Variants in KIT observed in about 807,000 individuals in gnomAD.
KIT encodes KIT proto-oncogene, receptor tyrosine kinase.
Under a neutral mutation model 105.7 loss-of-function variants are expected in KIT, and 16 were observed. That is an observed-to-expected ratio of 0.15 (90% confidence interval 0.10 to 0.23). The LOEUF (loss-of-function observed/expected upper bound fraction) is 0.23. KIT is among the 10% of genes least tolerant of loss of function. The pLI is 1.00. For missense variants in KIT, 858 were observed against 1,213.8 expected, an observed-to-expected ratio of 0.71 and a Z score of 4.36; for synonymous variants, 438 against 441.1, an observed-to-expected ratio of 0.99 and a Z score of 0.09.
At chr4:54,701,858 C>CT (rs1332621145) in intron 4 of KIT, among the ~76,000 whole-genome samples, 1 of 152,196 alleles carries the variant, frequency 6.6e-6, no homozygotes, top group African/African-American at 2.4e-5. Context: ...CTTACATCTT[C>CT]TTGACAATTG....
At chr4:54,673,858 C>T (rs1384569717) in intron 1 of KIT, among the ~76,000 whole-genome samples, 1 of 152,130 alleles carries the variant, frequency 6.6e-6, no homozygotes, top group Non-Finnish European at 1.5e-5. Context: ...CTTGCTCTGC[C>T]TCCCTAGTTC....
intron 7 of KIT, among the ~76,000 whole-genome samples, chr4:54,715,677 A>T (rs1162301558): frequency 6.6e-6 from 1 of 152,262 alleles, no homozygotes; most frequent in Non-Finnish European, 1.5e-5. Flanking sequence ...CATGACCCAG[A>T]CACCTCCCAT....
chr4:54,691,470 A>G (rs551271266), intron 1 of KIT, among the ~76,000 whole-genome samples: 4 of 152,226 alleles, frequency 2.6e-5, no homozygotes, highest in Admixed American at 6.5e-5. Flanking sequence ...ACAAGACAAG[A>G]TGTGTCCCAG....
intron 5 of KIT, among the ~76,000 whole-genome samples, chr4:54,705,836 C>T (rs777618756): frequency 9.2e-5 from 14 of 152,114 alleles, no homozygotes; most frequent in Admixed American, 2.0e-4. Flanking sequence ...GAGCTGTGAT[C>T]GTGCCACTGT....
chr4:54,687,509 A>G (rs1365570417), intron 1 of KIT, among the ~76,000 whole-genome samples: 1 of 152,116 alleles, frequency 6.6e-6, no homozygotes, highest in South Asian at 2.1e-4. Context: ...CTGTAGGGTG[A>G]TGCCACAAAT....
chr4:54,687,163 A>T (rs754660168), intron 1 of KIT, among the ~76,000 whole-genome samples: 19 of 152,330 alleles, frequency 1.2e-4, no homozygotes, highest in South Asian at 4.1e-4. Flanking sequence ...CACTGAGTGA[A>T]ATCAACCTTC....
At chr4:54,681,160 A>G (rs893641199) in intron 1 of KIT, among the ~76,000 whole-genome samples, 3 of 152,078 alleles carry the variant, frequency 2.0e-5, no homozygotes, top group African/African-American at 4.8e-5. Flanking sequence ...ACAGATGGTG[A>G]GGGCCTTGTT....
At chr4:54,701,025 A>T (rs1720422210) in intron 4 of KIT, among the ~76,000 whole-genome samples, 1 of 152,252 alleles carries the variant, frequency 6.6e-6, no homozygotes, top group South Asian at 2.1e-4. Flanking sequence ...ATGAGAGAAC[A>T]ATTTAGACCG....
At chr4:54,660,317 C>G (rs1577902660) in intron 1 of KIT, among the ~76,000 whole-genome samples, 1 of 152,138 alleles carries the variant, frequency 6.6e-6, no homozygotes, top group Admixed American at 6.5e-5. Flanking sequence ...GCTCCTGTGC[C>G]TAACAGGATG....
At chr4:54,721,828 G>T (rs908407503) in intron 7 of KIT, among the ~76,000 whole-genome samples, 1 of 152,068 alleles carries the variant, frequency 6.6e-6, no homozygotes, top group Non-Finnish European at 1.5e-5. Context: ...AATTCCCTGC[G>T]CATTGGGTTA....
intron 6 of KIT, among the ~76,000 whole-genome samples, chr4:54,708,488 C>T (rs1044272455): frequency 2.0e-5 from 3 of 152,178 alleles, no homozygotes; most frequent in South Asian, 4.1e-4. Context: ...CTATCAGTCA[C>T]TTACTGGCTG....
intron 1 of KIT, among the ~76,000 whole-genome samples, chr4:54,666,051 G>C (rs562477774): frequency 1.3e-5 from 2 of 152,208 alleles, no homozygotes; most frequent in South Asian, 4.2e-4. Flanking sequence ...GGCCATACTG[G>C]GTATAGAGGA....
intron 1 of KIT, among the ~76,000 whole-genome samples, chr4:54,685,150 C>T (rs1234403758): frequency 6.6e-6 from 1 of 152,158 alleles, no homozygotes; most frequent in African/African-American, 2.4e-5. Flanking sequence ...TGGGCCTTGT[C>T]ATTTCTCCCT....
chr4:54,736,945 C>A, intron 19 of KIT, 125 bp downstream of exon 19: 1 of 767,364 alleles, frequency 1.3e-6, no homozygotes, highest in Non-Finnish European at 2.3e-6. Context: ...TTCTTTATGA[C>A]ACACTGGTCA....
At chr4:54,694,670 G>A (rs1033765970) in intron 1 of KIT, among the ~76,000 whole-genome samples, 4 of 152,168 alleles carry the variant, frequency 2.6e-5, no homozygotes, top group Non-Finnish European at 4.4e-5. Context: ...GTGAGCCACG[G>A]CACCTGGCCA....
chr4:54,692,629 A>T (rs1309673556), intron 1 of KIT, among the ~76,000 whole-genome samples: 1 of 152,176 alleles, frequency 6.6e-6, no homozygotes, highest in African/African-American at 2.4e-5. Context: ...GTTCTTTTTT[A>T]AAAGGAATAA....
chr4:54,738,497 C>T lies in KIT; in HGVS notation c.2871C>T (p.Ile957=), dbSNP rs1578009941. The part of the protein sequence containing the change: ...QKPVVDHSVR[I]NSVGSTASSS... ...CCGTGGTAGACCATTCTGTGCGGAT[C>T]AATTCTGTCGGCAGCACCGCTTCCT... Residue 957 remains isoleucine, a synonymous_variant, in exon 21 of 21, where the codon ATC becomes ATT. Transcript: ENST00000288135. 6 of 1,613,980 alleles carry T rather than the reference C, an allele frequency of 3.7e-6. No homozygotes were observed. The highest frequency in any genetic ancestry group is 5.1e-6 in the Non-Finnish European group (6 of 1,180,004).
chr4:54,723,734 G>GTCCTTCCCCTCTGCATTATA, intron 8 of KIT, 36 bp downstream of exon 8: 4 of 1,178,166 alleles, frequency 3.4e-6, no homozygotes, highest in Non-Finnish European at 5.1e-6. Context: ...TTATAATGCA[G>GTCCTTCCCCTCTGCATTATA]AGGGGAAGGA....
At chr4:54,659,753 G>A (rs1420304579) in intron 1 of KIT, among the ~76,000 whole-genome samples, 2 of 152,180 alleles carry the variant, frequency 1.3e-5, no homozygotes, top group Non-Finnish European at 2.9e-5. Context: ...GTTAAGCTAT[G>A]TGAACTAGAA....
Sources: gnomAD v4.1 joint callset for allele counts (sites outside exome capture counted in the v4.1 genomes callset) on GRCh38, gnomAD v4.1.1 for gene constraint, MANE v1.5 for transcripts, NCBI Gene and HGNC (gene_info 2026-07-23, HGNC 2026-07-21) for gene names.